SUGP1: variants seen among roughly 807,000 people sequenced by gnomAD.
The protein encoded by SUGP1 is SURP and G-patch domain containing 1, also known as SURP and G-patch domain-containing protein 1.
Under a neutral mutation model 76.5 loss-of-function variants are expected in SUGP1, and 34 were observed. The ratio of observed to expected loss-of-function variants is 0.44; its 90% CI spans 0.34 to 0.59. The LOEUF (loss-of-function observed/expected upper bound fraction) is 0.59. SUGP1 is among the 20% of genes least tolerant of loss of function. The pLI, the probability that SUGP1 is intolerant of heterozygous loss-of-function variation, is 0.01. For missense variants in SUGP1, 752 were observed against 851.7 expected (o/e 0.88, Z 1.46); for synonymous variants, 326 against 326.2 (o/e 1.00, Z 0.01).
intron 1 of SUGP1, among the ~76,000 whole-genome samples, 177 bp downstream of exon 1, chr19:19,320,286 C>CA (rs1348432056): frequency 1.3e-5 from 2 of 152,184 alleles, no homozygotes; most frequent in Non-Finnish European, 2.9e-5. Context: ...CGGGGGCGGC[C>CA]AGCAACCTGG....
chr19:19,280,165 C>T lies in SUGP1; in HGVS notation c.1350+20G>A. 1 of 1,611,190 alleles carries T rather than the reference C, an allele frequency of 6.2e-7. No homozygotes were observed. The highest frequency in any genetic ancestry group is 8.5e-7 in the Non-Finnish European group (1 of 1,178,050). ...ATGGGCGCCGACCATGTCCCCGTCC[C>T]CTTGTCCCCGCAGTCTTACCTCCTG... is the stretch of plus-strand genomic sequence containing the variant. On this transcript the variant is annotated intron_variant, in intron 9 of 13. Transcript: ENST00000247001.
At chr19:19,298,275 A>G (rs2061244952) in intron 7 of SUGP1, among the ~76,000 whole-genome samples, 1 of 152,192 alleles carries the variant, frequency 6.6e-6, no homozygotes. Context: ...AGGCGGGCAG[A>G]TCACCTGAGG....
chr19:19,299,372 TTTC>T (rs2061253363), intron 7 of SUGP1, among the ~76,000 whole-genome samples: 1 of 121,470 alleles, frequency 8.2e-6, no homozygotes, highest in Non-Finnish European at 1.7e-5. Flanking sequence ...TTTTCTTTTT[TTTC>T]TTCCTTTTTT....
At position 19,276,441 on chromosome 19, in the gene SUGP1, G is replaced by A. The variant is rs1003794650; in HGVS notation, c.*207C>T. 2 of 603,148 alleles carry A rather than the reference G, an allele frequency of 3.3e-6. No homozygotes were observed. The highest frequency in any genetic ancestry group is 5.9e-6 in the Non-Finnish European group (2 of 338,106). The allele number at this position is 603,148 out of a possible 1,614,324, so 37.4% of individuals were successfully genotyped here. On this transcript the variant is annotated 3_prime_UTR_variant, in exon 14 of 14. Transcript: ENST00000247001. The stretch of plus-strand genomic sequence containing the variant: ...GATGGAGACTCCACAGGCCAATAAG[G>A]AGAGCCCCGAGACAGCATCTTGCAT...
At chr19:19,291,235 T>C (rs1326209443) in intron 8 of SUGP1, among the ~76,000 whole-genome samples, 3 of 151,700 alleles carry the variant, frequency 2.0e-5, no homozygotes, top group South Asian at 2.1e-4. Context: ...CAGAAGAAAA[T>C]AGTAAAGTTT....
At chr19:19,294,768 C>T (rs1226312109) in intron 8 of SUGP1, among the ~76,000 whole-genome samples, 2 of 151,912 alleles carry the variant, frequency 1.3e-5, no homozygotes, top group African/African-American at 4.8e-5. Flanking sequence ...CCTGGCACTA[C>T]CATCCCCTGG....
At chr19:19,291,175 G>A (rs971782086) in intron 8 of SUGP1, among the ~76,000 whole-genome samples, 4 of 152,076 alleles carry the variant, frequency 2.6e-5, no homozygotes, top group African/African-American at 7.2e-5. Flanking sequence ...TAACCTAAGC[G>A]TACACCTTAG....
intron 8 of SUGP1, among the ~76,000 whole-genome samples, chr19:19,295,277 T>C (rs1048617554): frequency 1.3e-5 from 2 of 151,356 alleles, no homozygotes; most frequent in Admixed American, 6.6e-5. Context: ...TAGTCCCAGA[T>C]ACTCAGGAGG....
chr19:19,318,491 T>C (rs2061411780), intron 1 of SUGP1, among the ~76,000 whole-genome samples: 1 of 151,990 alleles, frequency 6.6e-6, no homozygotes, highest in Non-Finnish European at 1.5e-5. Flanking sequence ...TGCAGTTGCA[T>C]GATCGTAGCT....
chr19:19,295,143 G>A (rs929704454), intron 8 of SUGP1, among the ~76,000 whole-genome samples: 1 of 151,830 alleles, frequency 6.6e-6, no homozygotes, highest in Non-Finnish European at 1.5e-5. Flanking sequence ...ATAATAACTG[G>A]GCAAGGCTGG....
chr19:19,315,677 G>A (rs2061389025), intron 2 of SUGP1, among the ~76,000 whole-genome samples: 1 of 152,114 alleles, frequency 6.6e-6, no homozygotes, highest in African/African-American at 2.4e-5. Context: ...TTCCTCAGTG[G>A]GCCAGCTCCA....
At chr19:19,307,119 C>T (rs2146621082) in intron 3 of SUGP1, among the ~76,000 whole-genome samples, 1 of 152,250 alleles carries the variant, frequency 6.6e-6, no homozygotes, top group East Asian at 1.9e-4. Context: ...TCATGGTTCA[C>T]TGCAGCCTCT....
intron 2 of SUGP1, among the ~76,000 whole-genome samples, chr19:19,315,960 C>G (rs1199284286): frequency 6.6e-6 from 1 of 151,958 alleles, no homozygotes; most frequent in Non-Finnish European, 1.5e-5. Flanking sequence ...GCCTCCTGAG[C>G]AGCTGGGACT....
intron 8 of SUGP1, among the ~76,000 whole-genome samples, chr19:19,295,550 GCTGAGA>G (rs2061218232): frequency 6.8e-6 from 1 of 146,682 alleles, no homozygotes; most frequent in Non-Finnish European, 1.5e-5. Context: ...GTTGCAGTGA[GCTGAGA>G]CTGTGCCACA....
rs565689715 is a variant in SUGP1, at chr19:19,299,677, C to T, written c.888-2333G>A. ...GATTACAGGCATGAGCCACCGCACC[C>T]GGCCTACTGACTTTTCATTACAGCT... On this transcript the variant is annotated intron_variant, in intron 7 of 13. Coordinates refer to ENST00000247001, the MANE Select transcript of SUGP1 (RefSeq NM_172231.4). 5.2e-4 allele frequency among the ~76,000 whole-genome samples: 79 copies of T among 151,900 alleles called. 1 individual carries two copies. The highest frequency in any genetic ancestry group is 1.7e-3 in the African/African-American group (72 of 41,452).
Position 19,277,807 on chromosome 19 carries a change from G to A in SUGP1, c.1708C>T (p.Leu570=). ...CCCTCCTTCCAGCCCATCTTCATCA[G>A]CATCTGGTAGCCGATGTTCTCCACA... ...LTVENIGYQM[L]MKMGWKEGEG... is the part of the protein sequence containing the mutation. Residue 570 remains leucine, a synonymous_variant, in exon 12 of 14, where the codon CTG becomes TTG. Transcript: ENST00000247001. 1 of 1,614,034 alleles carries A rather than the reference G, an allele frequency of 6.2e-7. No homozygotes were observed. The highest frequency in any genetic ancestry group is 1.1e-5 in the South Asian group (1 of 91,082).
chr19:19,317,120 G>A (rs2061400047), intron 1 of SUGP1, among the ~76,000 whole-genome samples: 1 of 147,348 alleles, frequency 6.8e-6, no homozygotes, highest in Non-Finnish European at 1.5e-5. Flanking sequence ...CCTGGCAACA[G>A]AGCAAGACTC....
chr19:19,304,384 TGCCAG>T (rs1427504595), intron 4 of SUGP1, among the ~76,000 whole-genome samples: 1 of 152,044 alleles, frequency 6.6e-6, no homozygotes, highest in Non-Finnish European at 1.5e-5. Flanking sequence ...CCTTGCCATC[TGCCAG>T]GACAGGCGCT....
chr19:19,303,887 C>T (rs368595291), intron 4 of SUGP1, 40 bp from the exon 5 acceptor site: 30 of 1,612,396 alleles, frequency 1.9e-5, no homozygotes, highest in Non-Finnish European at 2.5e-5. Flanking sequence ...AACTCACACA[C>T]CCCACAGTCA....
Sources: allele counts gnomAD v4.1 joint callset (sites outside exome capture counted in the v4.1 genomes callset), GRCh38; gene constraint gnomAD v4.1.1; transcripts MANE v1.5; gene names NCBI Gene and HGNC (gene_info 2026-07-23, HGNC 2026-07-21).